Variants in SULT1C2 observed in about 807,000 individuals in gnomAD.
SULT1C2 encodes sulfotransferase family 1C member 2.
A neutral mutation model predicts 36.0 loss-of-function variants in SULT1C2; 27 were observed. The ratio of observed to expected loss-of-function variants is 0.75; its 90% CI spans 0.55 to 1.03. The LOEUF (loss-of-function observed/expected upper bound fraction) is 1.03. SULT1C2 is among the 50% of genes least tolerant of loss of function. SULT1C2 has a pLI of 0.00. For missense variants in SULT1C2, 395 were observed against 359.2 expected, an observed-to-expected ratio of 1.10 and a Z score of -0.80; for synonymous variants, 121 against 116.0, an observed-to-expected ratio of 1.04 and a Z score of -0.27.
chr2:108,301,884 G>T (rs771483282), intron 4 of SULT1C2: 2 of 152,202 alleles, frequency 1.3e-5, no homozygotes, highest in African/African-American at 2.4e-5. Context: ...GGAAAGAAGG[G>T]CTAAGAAAGA....
At chr2:108,300,971 A>G in intron 4 of SULT1C2, 36 bp downstream of exon 4, 1 of 1,612,008 alleles carries the variant, frequency 6.2e-7, no homozygotes, top group Non-Finnish European at 8.5e-7. Flanking sequence ...CAGAAGGGAA[A>G]GTAAGCCAAC....
chr2:108,302,801 T>C (rs2104421561), intron 4 of SULT1C2: 1 of 152,208 alleles, frequency 6.6e-6, no homozygotes, highest in South Asian at 2.1e-4. Context: ...GGAATTTCTA[T>C]AACAAAAAAA....
At chr2:108,295,376 T>C (rs759066195) in intron 3 of SULT1C2, among the ~76,000 whole-genome samples, 43 of 152,266 alleles carry the variant, frequency 2.8e-4, no homozygotes, top group African/African-American at 5.1e-4. Context: ...TCTGACCCCA[T>C]AGACAGGCCA....
At chr2:108,305,150 C>T (rs1277104369) in intron 5 of SULT1C2, 22 bp from the exon 6 acceptor site, 3 of 1,613,738 alleles carry the variant, frequency 1.9e-6, no homozygotes, top group Non-Finnish European at 2.5e-6. Flanking sequence ...GTAGACTATT[C>T]TGTTTCCTGT....
intron 7 of SULT1C2, 113 bp downstream of exon 7, chr2:108,305,708 T>C: frequency 7.7e-7 from 1 of 1,290,900 alleles, no homozygotes; most frequent in Non-Finnish European, 1.1e-6. Context: ...CAACTATTCC[T>C]AATATGTGTT....
intron 1 of SULT1C2, among the ~76,000 whole-genome samples, chr2:108,293,123 G>C (rs1182747265): frequency 1.5e-5 from 2 of 134,700 alleles, no homozygotes; most frequent in Non-Finnish European, 3.0e-5. Context: ...AGGTTGCAGT[G>C]AGCAGAGATC....
chr2:108,297,224 T>C (rs570121869), intron 3 of SULT1C2, among the ~76,000 whole-genome samples: 1 of 152,194 alleles, frequency 6.6e-6, no homozygotes, highest in South Asian at 2.1e-4. Context: ...CCAATGCAGA[T>C]GATATAACAA....
At chr2:108,308,232 G>A (rs186719156) in intron 7 of SULT1C2, 120 bp from the exon 8 acceptor site, 4 of 801,318 alleles carry the variant, frequency 5.0e-6, no homozygotes, top group Middle Eastern at 2.4e-4. Flanking sequence ...ACTGAAGGGG[G>A]AGTTGGGTGA....
At chr2:108,308,121 C>T (rs1677066687) in intron 7 of SULT1C2, among the ~76,000 whole-genome samples, 2 of 152,200 alleles carry the variant, frequency 1.3e-5, no homozygotes, top group Admixed American at 1.3e-4. Context: ...AGGCCACTAG[C>T]TGCCTTGGGT....
chr2:108,294,182 A>G (rs1676665118), intron 2 of SULT1C2, 47 bp from the exon 3 acceptor site: 1 of 1,609,354 alleles, frequency 6.2e-7, no homozygotes, highest in Non-Finnish European at 8.5e-7. Flanking sequence ...TTCAGGGAAG[A>G]TTGTCTAACA....
chr2:108,293,944 A>G, intron 2 of SULT1C2, 126 bp downstream of exon 2: 3 of 1,410,686 alleles, frequency 2.1e-6, no homozygotes, highest in Non-Finnish European at 2.8e-6. Flanking sequence ...TTTGGAGCTC[A>G]GGGCTCACAC....
rs17036055 is a variant in SULT1C2, at chr2:108,294,279, G to A, written c.202G>A (p.Val68Met). ...IVDMIEQNGD[V>M]EKCQRAIIQH... ...GGATATGATTGAACAGAATGGGGACGTGGAGAAGTGCCAGCGAGCCATCAT... is the reference window on the plus strand; with the variant it reads ...GGATATGATTGAACAGAATGGGGACATGGAGAAGTGCCAGCGAGCCATCAT... The change falls in exon 3 of 8, where the codon GTG becomes ATG. Residue 68 changes from valine to methionine, a missense_variant. Val to Met is a conservative substitution (Grantham distance 21). Transcript: ENST00000251481. The A allele has an allele frequency of 4.2e-4, 675 of 1,614,114 alleles. 3 individuals carry two copies. The African/African-American group carries it at 7.5e-3, about 18-fold the overall frequency.
chr2:108,304,312 CA>C lies in SULT1C2; in HGVS notation c.376-259del, dbSNP rs527490351. 66 of 310,902 alleles carry C rather than the reference CA, an allele frequency of 2.1e-4. No homozygotes were observed. In the East Asian group the frequency reaches 3.8e-3, roughly 18 times the overall value. 19.3% of individuals were successfully genotyped at this position (310,902 alleles called of 1,614,324 possible). A position where few individuals can be genotyped will look rare whatever the true frequency, so the allele number is the denominator to read the frequency against. Reference sequence around the variant, plus strand: ...CAGAAAAAGATTTTGCTCCTGATACCAAAGGGGCAATCAGGCAATCTAATCC... The same window carrying C: ...CAGAAAAAGATTTTGCTCCTGATACCAAGGGGCAATCAGGCAATCTAATCC... On this transcript the variant is annotated intron_variant, in intron 4 of 7. Transcript: ENST00000251481.
chr2:108,299,709 C>A (rs1249906761), intron 3 of SULT1C2: 1 of 152,216 alleles, frequency 6.6e-6, no homozygotes, highest in Non-Finnish European at 1.5e-5. Flanking sequence ...ACTACATGAT[C>A]CAGCAATTCC....
At chr2:108,302,554 C>T (rs1046941778) in intron 4 of SULT1C2, 2 of 152,166 alleles carry the variant, frequency 1.3e-5, no homozygotes, top group Non-Finnish European at 1.5e-5. Flanking sequence ...CCATAGGATC[C>T]CCACTTGAGC....
chr2:108,301,007 G>T (rs1424656088), intron 4 of SULT1C2, 72 bp downstream of exon 4: 1 of 1,580,520 alleles, frequency 6.3e-7, no homozygotes, highest in African/African-American at 1.4e-5. Context: ...AGACCCCAAC[G>T]CAGAGCATTC....
intron 4 of SULT1C2, 82 bp downstream of exon 4, chr2:108,301,017 C>G: frequency 6.4e-7 from 1 of 1,552,848 alleles, no homozygotes; most frequent in Admixed American, 1.9e-5. Context: ...GCAGAGCATT[C>G]GTGATCACCT....
chr2:108,295,204 G>C (rs1370718786), intron 3 of SULT1C2, among the ~76,000 whole-genome samples: 2 of 152,236 alleles, frequency 1.3e-5, no homozygotes, highest in Non-Finnish European at 2.9e-5. Flanking sequence ...GTGTCTCCAA[G>C]TCAGAATAGC....
chr2:108,298,550 G>GTA (rs1484746367), intron 3 of SULT1C2: 3 of 260,748 alleles, frequency 1.2e-5, no homozygotes, highest in Non-Finnish European at 2.3e-5. Flanking sequence ...GCTAATTTTG[G>GTA]TATTTTTTTT....
Sources: gnomAD v4.1 joint callset for allele counts (sites outside exome capture counted in the v4.1 genomes callset) on GRCh38, gnomAD v4.1.1 for gene constraint, MANE v1.5 for transcripts, NCBI Gene and HGNC (gene_info 2026-07-23, HGNC 2026-07-21) for gene names.